UHRF1: variants seen among roughly 807,000 people sequenced by gnomAD.
UHRF1 encodes the protein E3 ubiquitin-protein ligase UHRF1.
UHRF1 carries 9 observed loss-of-function variants against 96.5 expected under a neutral mutation model. The ratio of observed to expected loss-of-function variants is 0.09; its 90% CI spans 0.06 to 0.16. The LOEUF is 0.16. Among genes scored for constraint, UHRF1 ranks in the 10% least tolerant of loss-of-function variants. The pLI, the probability that UHRF1 is intolerant of heterozygous loss-of-function variation, is 1.00. For synonymous variants in UHRF1, 455 were observed against 469.9 expected, an observed-to-expected ratio of 0.97 and a Z score of 0.41; for missense variants, 626 against 1,131.1, an observed-to-expected ratio of 0.55 and a Z score of 6.40.
In UHRF1 at chr19:4,962,066, GA is replaced by G. The variant is rs1289872009; in HGVS notation, c.*1265del. The G allele has an allele frequency of 6.6e-6, 1 of 151,994 alleles. No individual in the cohort carries two copies. The highest frequency in any genetic ancestry group is 2.4e-5 in the African/African-American group (1 of 41,412). 9.4% of individuals were successfully genotyped at this position (151,994 alleles called of 1,614,324 possible). On this transcript the variant is annotated 3_prime_UTR_variant, in exon 17 of 17. Coordinates refer to ENST00000650932, the MANE Select transcript of UHRF1 (RefSeq NM_001048201.3). ...CTTAGATTATTAATGTATTAGGGAA[GA>G]ATGAGACAATTTTGTGTAGGCTTTT...
intron 5 of UHRF1, among the ~76,000 whole-genome samples, chr19:4,935,398 T>G (rs1260477830): frequency 6.6e-6 from 1 of 152,204 alleles, no homozygotes; most frequent in East Asian, 1.9e-4. Context: ...TGTGAGTCCA[T>G]TAAACCTCTT....
chr19:4,942,138 A>T (rs1316924891), intron 7 of UHRF1, among the ~76,000 whole-genome samples: 2 of 150,618 alleles, frequency 1.3e-5, no homozygotes, highest in African/African-American at 4.9e-5. Context: ...GGACGTAGAG[A>T]CTCTGTTTCT....
intron 2 of UHRF1, among the ~76,000 whole-genome samples, chr19:4,915,433 G>A (rs181618570): frequency 1.8e-3 from 269 of 152,342 alleles, no homozygotes; most frequent in African/African-American, 6.2e-3. Context: ...AACAGGTATG[G>A]CGGGGCCCAG....
chr19:4,929,680 C>T (rs1599262008), intron 3 of UHRF1, among the ~76,000 whole-genome samples: 1 of 134,556 alleles, frequency 7.4e-6, no homozygotes, highest in African/African-American at 3.0e-5. Flanking sequence ...AGAGCAGAGT[C>T]CTGTTCGGGG....
rs59654364 is a variant in UHRF1, at chr19:4,957,297, G to GTTTT, written c.2235+508_2235+511dup. On this transcript the variant is annotated intron_variant, in intron 16 of 16. Coordinates refer to ENST00000650932, the MANE Select transcript of UHRF1 (RefSeq NM_001048201.3). ...GAGGGACACAAGATCCCAGCTGATGGTTTTTTTTTTTTTTTTTTTTTTTTT... is the reference window on the plus strand; with the variant it reads ...GAGGGACACAAGATCCCAGCTGATGGTTTTTTTTTTTTTTTTTTTTTTTTTTTTT... 4.9e-3 allele frequency among the ~76,000 whole-genome samples: 249 copies of GTTTT among 51,092 alleles called. 23 individuals carry two copies. Among genetic ancestry groups the GTTTT allele is most frequent in the African/African-American group, 0.018 (239 of 12,920 alleles). 33.5% of individuals were successfully genotyped at this position (51,092 alleles called of 152,430 possible). A position where few individuals can be genotyped will look rare whatever the true frequency, so the allele number is the denominator to read the frequency against.
rs939428031 is a variant in UHRF1 at position 4,954,526 on chromosome 19, G to A, written c.1957+38G>A. The A allele has an allele frequency of 4.4e-6, 7 of 1,590,578 alleles. No homozygotes were observed. The African/African-American group carries it at 8.1e-5, about 18-fold the overall frequency. Reference sequence around the variant, plus strand: ...TGGGTGTGGGGTGAGCGTCTTGTGTGTGGGGGAGCAGGTGGGCATCTCGCG... The same window carrying A: ...TGGGTGTGGGGTGAGCGTCTTGTGTATGGGGGAGCAGGTGGGCATCTCGCG... On this transcript the variant is annotated intron_variant, in intron 14 of 16. Coordinates refer to ENST00000650932, the MANE Select transcript of UHRF1 (RefSeq NM_001048201.3). The surrounding 1 kb of genome is among the most constrained non-coding windows in gnomAD (Gnocchi z 5.9).
In UHRF1 at chr19:4,932,754, G is replaced by A; in HGVS notation, c.583G>A (p.Gly195Ser). Residue 195 changes from glycine (G) to serine (S), a missense_variant, in exon 5 of 17, where the codon GGC becomes AGC. Around this residue, in one of 11 missense-constraint regions of UHRF1, gnomAD observed 198 missense variants for 235.1 expected, o/e 0.84. Coordinates refer to ENST00000650932, the MANE Select transcript of UHRF1 (RefSeq NM_001048201.3). ...CTTTCCTCCCAGCTACCCGGAGAAC[G>A]GCGTGGTCCAGATGAACTCCAGGGA... ...HVKYDDYPENGVVQMNSRDVR... is the reference protein window; with the variant it reads ...HVKYDDYPENSVVQMNSRDVR... 1.2e-6 allele frequency: 2 copies of A among 1,613,796 alleles called. No individual in the cohort carries two copies. The highest frequency in any genetic ancestry group is 2.2e-5 in the East Asian group (1 of 44,874).
chr19:4,930,142 T>A lies in UHRF1; in HGVS notation c.409-574T>A, dbSNP rs1452566454. ...GGCATGTGCCACCACACCTGGCTAA[T>A]TTTTGTATTTTTTGTAGAGACGGGA... is the stretch of plus-strand genomic sequence containing the variant. On this transcript the variant is annotated intron_variant, in intron 3 of 16. Transcript: ENST00000650932. The surrounding 1 kb of genome is among the most constrained non-coding windows in gnomAD (Gnocchi z 4.4). Among the ~76,000 whole-genome samples the A allele has an allele frequency of 6.6e-6, 1 of 152,074 alleles. No homozygotes were observed. The highest frequency in any genetic ancestry group is 2.4e-5 in the African/African-American group (1 of 41,412).
At chr19:4,950,576 A>G (rs1372119204) in intron 11 of UHRF1, 35 bp from the exon 12 acceptor site, 1 of 1,593,960 alleles carries the variant, frequency 6.3e-7, no homozygotes, top group South Asian at 1.1e-5. Flanking sequence ...GTACATCCTC[A>G]CCTATAATGC....
At chr19:4,913,326 T>C (rs2032359101) in intron 2 of UHRF1, among the ~76,000 whole-genome samples, 1 of 142,272 alleles carries the variant, frequency 7.0e-6, no homozygotes, top group Non-Finnish European at 1.5e-5. Flanking sequence ...CGATCTGGGC[T>C]CACTGCAACC....
rs573406583 is a variant in UHRF1, at chr19:4,926,839, C to T, written c.154-2383C>T. On this transcript the variant is annotated intron_variant, in intron 2 of 16. Coordinates refer to ENST00000650932, the MANE Select transcript of UHRF1 (RefSeq NM_001048201.3). ...CGGCACTTTGGAAGGTTGAGGTGGG[C>T]GGATCACGAGGTCAGGAGATCGAGA... Among the ~76,000 whole-genome samples, 144 of 151,268 alleles carry T rather than the reference C, an allele frequency of 9.5e-4. 1 individual carries two copies. In the South Asian group the frequency reaches 0.019, roughly 20 times the overall value.
intron 11 of UHRF1, among the ~76,000 whole-genome samples, chr19:4,949,591 G>A (rs553682239): frequency 6.6e-6 from 1 of 152,262 alleles, no homozygotes. Flanking sequence ...TACTTTGGGA[G>A]GCTGAGGTGG....
chr19:4,944,406 A>G lies in UHRF1; in HGVS notation c.1261A>G (p.Ile421Val). ...CGTCCCGTCCAACCACTACGGACCC[A>G]TCCCGGGGATCCCCGTGGGCACCAT... ...TIVPSNHYGP[I>V]PGIPVGTMWR... Residue 421 changes from isoleucine to valine, a missense_variant, in exon 9 of 17, where the codon ATC becomes GTC. Physicochemically the swap from Ile to Val is conservative, Grantham distance 29. Around this residue, in one of 11 missense-constraint regions of UHRF1, gnomAD observed 69 missense variants for 159.8 expected, o/e 0.43. Transcript: ENST00000650932. 1 of 1,614,020 alleles carries G rather than the reference A, an allele frequency of 6.2e-7. No individual in the cohort carries two copies. The highest frequency in any genetic ancestry group is 8.5e-7 in the Non-Finnish European group (1 of 1,179,898).
intron 11 of UHRF1, among the ~76,000 whole-genome samples, chr19:4,949,784 G>A (rs922956564): frequency 3.3e-5 from 5 of 152,112 alleles, no homozygotes; most frequent in African/African-American, 9.7e-5. Flanking sequence ...TGAGTAAGGC[G>A]TGATCATGCC....
chr19:4,923,950 C>T (rs1326513663), intron 2 of UHRF1, among the ~76,000 whole-genome samples: 1 of 152,090 alleles, frequency 6.6e-6, no homozygotes, highest in Non-Finnish European at 1.5e-5. Context: ...TTTCCTGACC[C>T]AGTGATATTG....
intron 4 of UHRF1, among the ~76,000 whole-genome samples, chr19:4,931,838 G>A (rs1352989358): frequency 6.6e-6 from 1 of 151,940 alleles, no homozygotes; most frequent in African/African-American, 2.4e-5. Flanking sequence ...TTGGCTCATT[G>A]CACCCTCCAT....
intron 16 of UHRF1, among the ~76,000 whole-genome samples, chr19:4,957,306 T>G (rs959062468): frequency 5.9e-5 from 8 of 135,436 alleles, no homozygotes; most frequent in African/African-American, 2.2e-4. Context: ...GGTTTTTTTT[T>G]TTTTTTTTTT....
In UHRF1 at chr19:4,930,692, C is replaced by T. The variant is rs1206832079; in HGVS notation, c.409-24C>T. The T allele has an allele frequency of 6.2e-7, 1 of 1,609,968 alleles. No homozygotes were observed. The highest frequency in any genetic ancestry group is 8.5e-7 in the Non-Finnish European group (1 of 1,177,698). On this transcript the variant is annotated intron_variant, in intron 3 of 16. Transcript: ENST00000650932. The surrounding 1 kb of genome is among the most constrained non-coding windows in gnomAD (Gnocchi z 4.4). ...CAGTTTTCCTCACCCCGTTGGGATGCCAGACTTCCCTCATTCCTCACAGGT... is the reference window on the plus strand; with the variant it reads ...CAGTTTTCCTCACCCCGTTGGGATGTCAGACTTCCCTCATTCCTCACAGGT...
intron 2 of UHRF1, among the ~76,000 whole-genome samples, chr19:4,925,955 TG>T (rs1288718161): frequency 6.6e-6 from 1 of 152,010 alleles, no homozygotes; most frequent in Admixed American, 6.6e-5. Context: ...TGGAGTGCAG[TG>T]GTGCAATCTC....
Sources: gnomAD v4.1 joint callset for allele counts (sites outside exome capture counted in the v4.1 genomes callset) on GRCh38, gnomAD v4.1.1 for gene constraint, gnomAD v4.1.1 regional missense constraint, Gnocchi (gnomAD v3.1) non-coding constraint, MANE v1.5 for transcripts, NCBI Gene and HGNC (gene_info 2026-07-23, HGNC 2026-07-21) for gene names.